The following MGRN1 variants were observed in gnomAD, a reference collection of about 807,000 sequenced individuals.
MGRN1 encodes E3 ubiquitin-protein ligase MGRN1.
MGRN1 carries 29 observed loss-of-function variants against 69.2 expected under a neutral mutation model. The ratio of observed to expected loss-of-function variants is 0.42; its 90% CI spans 0.31 to 0.57. The LOEUF (loss-of-function observed/expected upper bound fraction) is 0.57. Ranked by LOEUF, MGRN1 falls within the 20% of genes least tolerant of loss-of-function variation. The probability of loss-of-function intolerance (pLI) is 0.15; values close to 1 mark genes in which losing one functional copy is unlikely to be tolerated. For synonymous variants in MGRN1, 470 were observed against 344.2 expected, an observed-to-expected ratio of 1.37 and a Z score of -4.04; for missense variants, 998 against 796.2, an observed-to-expected ratio of 1.25 and a Z score of -3.05.
At chr16:4,668,556 CT>C (rs1205459158) in intron 8 of MGRN1, among the ~76,000 whole-genome samples, 2 of 151,224 alleles carry the variant, frequency 1.3e-5, no homozygotes, top group Non-Finnish European at 3.0e-5. Context: ...CATAAACACA[CT>C]CCTACTCGCA....
rs1484150025 is a variant in MGRN1, at chr16:4,680,828, G to A, written c.1132-722G>A. On this transcript the variant is annotated intron_variant, in intron 12 of 16. Transcript: ENST00000262370. ...CTCCCCCACCTCCCCGTGGTCTCCAGGCATCCCGCACCCATCTCACTTTCC... is the reference window on the plus strand; with the variant it reads ...CTCCCCCACCTCCCCGTGGTCTCCAAGCATCCCGCACCCATCTCACTTTCC... 2.6e-5 allele frequency among the ~76,000 whole-genome samples: 4 copies of A among 152,230 alleles called. No individual in the cohort carries two copies. The East Asian group carries it at 7.7e-4, about 29-fold the overall frequency.
At chr16:4,638,827 C>G (rs548989469) in intron 1 of MGRN1, among the ~76,000 whole-genome samples, 1 of 152,316 alleles carries the variant, frequency 6.6e-6, no homozygotes, top group African/African-American at 2.4e-5. Flanking sequence ...TCGTGGCCTT[C>G]CCACTCCCCC....
In MGRN1 at chr16:4,677,517, C is replaced by G. The variant is rs2079079748; in HGVS notation, c.1010C>G (p.Ser337Cys). 1 of 1,596,504 alleles carries G rather than the reference C, an allele frequency of 6.3e-7. No individual in the cohort carries two copies. The highest frequency in any genetic ancestry group is 1.7e-5 in the Admixed American group (1 of 59,546). The part of the protein sequence containing the change: ...RAVRKKPGAL[S>C]PVSFSPVLAQ... ...GTGCGGAAGAAGCCAGGAGCCCTGT[C>G]CCCCGTGTCCTTCAGCCCCGTCCTG... The change falls in exon 11 of 17, where the codon TCC becomes TGC. Residue 337 changes from serine (S) to cysteine (C), a missense_variant. Ser to Cys is a moderately radical substitution (Grantham distance 112, BLOSUM62 -1). Transcript: ENST00000262370.
intron 3 of MGRN1, 101 bp downstream of exon 3, chr16:4,652,152 C>T: frequency 1.7e-6 from 2 of 1,167,236 alleles, no homozygotes; most frequent in East Asian, 2.6e-5. Context: ...GCGGGAGGGG[C>T]CCCAGTTTCT....
At chr16:4,683,071 A>G in intron 14 of MGRN1, 125 bp downstream of exon 14, 1 of 1,482,724 alleles carries the variant, frequency 6.7e-7, no homozygotes, top group Non-Finnish European at 9.1e-7. Context: ...GCTCTTGCTG[A>G]GCTGCGCGGC....
Position 4,682,955 on chromosome 16 carries a change from C to T in MGRN1, c.1482+9C>T, listed in dbSNP as rs767405808. 2.6e-6 allele frequency: 4 copies of T among 1,551,102 alleles called. No homozygotes were observed. Among genetic ancestry groups the T allele is most frequent in the African/African-American group, 1.4e-5 (1 of 72,700 alleles). ...AAAGCAGCTCCCCTGAGGTGAGGCC[C>T]CCCCGGGGAAGCTTTGCGCACCCGC... is the stretch of plus-strand genomic sequence containing the variant. On this transcript the variant is annotated intron_variant, in intron 14 of 16. Coordinates refer to ENST00000262370, the MANE Select transcript of MGRN1 (RefSeq NM_015246.4).
intron 6 of MGRN1, 31 bp downstream of exon 6, chr16:4,664,806 G>C: frequency 6.2e-7 from 1 of 1,610,254 alleles, no homozygotes; most frequent in African/African-American, 1.3e-5. Flanking sequence ...CCTCCTGGGC[G>C]TGCAGGCCGT....
intron 1 of MGRN1, among the ~76,000 whole-genome samples, chr16:4,628,624 A>G (rs531289930): frequency 2.7e-4 from 41 of 152,050 alleles, no homozygotes; most frequent in Admixed American, 1.5e-3. Flanking sequence ...GGCTCAGTGC[A>G]ACGTCCGCCT....
intron 9 of MGRN1, among the ~76,000 whole-genome samples, chr16:4,672,906 T>G (rs1248910121): frequency 6.6e-6 from 1 of 152,220 alleles, no homozygotes; most frequent in Non-Finnish European, 1.5e-5. Context: ...GGCAGCCATC[T>G]TGGCCCACTG....
In MGRN1 at chr16:4,688,776, C is replaced by T. The variant is rs1021835394; in HGVS notation, c.1619-20C>T. ...CCAGGCATCCGAGTGTGACCCTCCT[C>T]CCTCTGCTCCCACCTGCAGGACGGC... On this transcript the variant is annotated intron_variant, in intron 16 of 16. Transcript: ENST00000262370. The T allele has an allele frequency of 7.8e-6, 12 of 1,530,742 alleles. No homozygotes were observed. The highest frequency in any genetic ancestry group is 1.4e-5 in the African/African-American group (1 of 72,636). The allele number at this position is 1,530,742 out of a possible 1,614,324, so 94.8% of individuals were successfully genotyped here.
chr16:4,652,526 A>G (rs2141884135), intron 3 of MGRN1, 152 bp from the exon 4 acceptor site: 4 of 1,017,906 alleles, frequency 3.9e-6, no homozygotes, highest in Non-Finnish European at 4.1e-6. Context: ...CTGGGCTTTC[A>G]TGTACAAATA....
chr16:4,662,424 G>T (rs2078703638), intron 5 of MGRN1, among the ~76,000 whole-genome samples: 1 of 151,728 alleles, frequency 6.6e-6, no homozygotes, highest in Non-Finnish European at 1.5e-5. Context: ...GCTGAGGCAG[G>T]AGAATTGCTT....
chr16:4,670,095 C>T (rs1482497578), intron 8 of MGRN1, among the ~76,000 whole-genome samples: 5 of 152,028 alleles, frequency 3.3e-5, no homozygotes, highest in East Asian at 3.9e-4. Flanking sequence ...GACAGAGTCT[C>T]GCTCTGTTGC....
chr16:4,665,296 T>C lies in MGRN1; in HGVS notation c.678+145T>C. On this transcript the variant is annotated intron_variant, in intron 7 of 16. Coordinates refer to ENST00000262370, the MANE Select transcript of MGRN1 (RefSeq NM_015246.4). ...CCCGGGGCAGGTTGGGGCGTGTCTG[T>C]GGCTTCCTGCTTTCTAGCATTCTGG... is the stretch of plus-strand genomic sequence containing the variant. The C allele has an allele frequency of 3.9e-6, 3 of 773,704 alleles. No individual in the cohort carries two copies. In the South Asian group the frequency reaches 5.0e-5, roughly 13 times the overall value. 47.9% of individuals were successfully genotyped at this position (773,704 alleles called of 1,614,324 possible). A position where few individuals can be genotyped will look rare whatever the true frequency, so the allele number is the denominator to read the frequency against.
Position 4,658,485 on chromosome 16 carries a change from G to A in MGRN1, c.561+1122G>A, listed in dbSNP as rs563652457. ...CAGGAGGTGGAGCTTGCAGTGAGCC[G>A]AGATCACGCCACTGCACTCCAGCCT... is the stretch of plus-strand genomic sequence containing the variant. On this transcript the variant is annotated intron_variant, in intron 5 of 16. Transcript: ENST00000262370. Among the ~76,000 whole-genome samples the A allele has an allele frequency of 2.2e-4, 34 of 151,374 alleles. No individual in the cohort carries two copies. The South Asian group carries it at 6.1e-3, about 27-fold the overall frequency.
Position 4,681,715 on chromosome 16 carries a change from A to G in MGRN1, c.1297A>G (p.Ile433Val), listed in dbSNP as rs1381982983. 3.7e-6 allele frequency: 6 copies of G among 1,613,074 alleles called. No individual in the cohort carries two copies. Among genetic ancestry groups the G allele is most frequent in the Non-Finnish European group, 5.1e-6 (6 of 1,179,926 alleles). ...LSQASCPLAA[I>V]DHILDSSRQK... is the part of the protein sequence containing the mutation. ...CCAGGCCAGCTGTCCCCTCGCGGCT[A>G]TCGACCACATCCTGGACAGCAGCCG... Residue 433 changes from isoleucine to valine, a missense_variant, in exon 13 of 17, where the codon ATC (isoleucine) becomes GTC (valine). Coordinates refer to ENST00000262370, the MANE Select transcript of MGRN1 (RefSeq NM_015246.4).
At chr16:4,667,687 C>T (rs556872534) in intron 7 of MGRN1, among the ~76,000 whole-genome samples, 2 of 152,210 alleles carry the variant, frequency 1.3e-5, no homozygotes, top group African/African-American at 4.8e-5. Context: ...TGCGAGGTCT[C>T]CGATCTCAAG....
At chr16:4,640,926 A>G (rs951513189) in intron 1 of MGRN1, among the ~76,000 whole-genome samples, 12 of 152,088 alleles carry the variant, frequency 7.9e-5, no homozygotes, top group African/African-American at 2.7e-4. Context: ...CGTTTCCTGT[A>G]TGTTTGAAAG....
intron 1 of MGRN1, among the ~76,000 whole-genome samples, chr16:4,642,941 C>T (rs1323296000): frequency 6.6e-6 from 1 of 150,798 alleles, no homozygotes; most frequent in East Asian, 1.9e-4. Flanking sequence ...TACGCATCAC[C>T]GTGCTAGCTA....
Sources: allele counts gnomAD v4.1 joint callset (sites outside exome capture counted in the v4.1 genomes callset), GRCh38; gene constraint gnomAD v4.1.1; transcripts MANE v1.5; gene names NCBI Gene and HGNC (gene_info 2026-07-23, HGNC 2026-07-21).